The following DAB1 variants were observed in gnomAD, a reference collection of about 807,000 sequenced individuals.
DAB1 encodes DAB adaptor protein 1, also known as disabled homolog 1.
A neutral mutation model predicts 64.6 loss-of-function variants in DAB1; 15 were observed. That is an observed-to-expected ratio of 0.23 (90% confidence interval 0.16 to 0.36). The LOEUF (loss-of-function observed/expected upper bound fraction) is 0.36, where lower values mean the gene tolerates loss of function less well. Ranked by LOEUF, DAB1 falls within the 10% of genes least tolerant of loss-of-function variation. DAB1 has a pLI of 1.00. For missense variants in DAB1, 596 were observed against 706.7 expected (o/e 0.84, Z 1.78); for synonymous variants, 235 against 251.9 (o/e 0.93, Z 0.64).
chr1:57,416,391 T>C (rs1306157127), intron 1 of DAB1, among the ~76,000 whole-genome samples: 3 of 152,210 alleles, frequency 2.0e-5, no homozygotes, highest in Admixed American at 1.3e-4. Flanking sequence ...ATGCATTTCA[T>C]GTCAGGGTAC....
At chr1:57,419,882 T>C (rs1684767922) in intron 1 of DAB1, among the ~76,000 whole-genome samples, 1 of 152,258 alleles carries the variant, frequency 6.6e-6, no homozygotes, top group African/African-American at 2.4e-5. Context: ...CCTTACCACC[T>C]GCTATACCAC....
At chr1:57,638,392 G>T (rs1014723689) in intron 7 of DAB1, among the ~76,000 whole-genome samples, 2 of 152,190 alleles carry the variant, frequency 1.3e-5, no homozygotes, top group Non-Finnish European at 2.9e-5. Flanking sequence ...GGCGAGGAGT[G>T]TCAGATGATA....
chr1:57,750,739 G>A (rs941409994), intron 6 of DAB1, among the ~76,000 whole-genome samples: 6 of 152,028 alleles, frequency 3.9e-5, no homozygotes, highest in South Asian at 2.1e-4. Context: ...TCTGTTTGCC[G>A]GGCTGCAGGC....
chr1:58,374,920 C>G (rs1294205109), intron 3 of DAB1, among the ~76,000 whole-genome samples: 609 of 126,530 alleles, frequency 4.8e-3, no homozygotes, highest in African/African-American at 6.3e-3. Flanking sequence ...GGATTCCTAG[C>G]TATTTTATTC....
At chr1:57,052,686 G>A (rs544441634) in intron 9 of DAB1, among the ~76,000 whole-genome samples, 1 of 152,252 alleles carries the variant, frequency 6.6e-6, no homozygotes, top group East Asian at 1.9e-4. Context: ...CCTATATAAT[G>A]AACATGGTGA....
At chr1:57,596,455 T>A (rs1412244833) in intron 7 of DAB1, among the ~76,000 whole-genome samples, 1 of 152,184 alleles carries the variant, frequency 6.6e-6, no homozygotes, top group Non-Finnish European at 1.5e-5. Flanking sequence ...TATTATTATG[T>A]GTTTAATGGC....
chr1:57,956,420 G>A (rs978253901), intron 5 of DAB1, among the ~76,000 whole-genome samples: 2 of 152,190 alleles, frequency 1.3e-5, no homozygotes, highest in African/African-American at 4.8e-5. Flanking sequence ...AAACCAAGGT[G>A]AGCCCACTGG....
chr1:57,783,998 A>C lies in DAB1; in HGVS notation n.551+100001T>G, dbSNP rs1447060737. ...GCAATGGCCTCTAGGTGTTCAAGTGAAAGGAAGAGTCATATATCTCTCACT... is the reference window on the plus strand; with the variant it reads ...GCAATGGCCTCTAGGTGTTCAAGTGCAAGGAAGAGTCATATATCTCTCACT... On this transcript the variant is annotated intron_variant and non_coding_transcript_variant, in intron 6 of 20. Coordinates refer to the DAB1 transcript ENST00000485760. Among the ~76,000 whole-genome samples the C allele has an allele frequency of 2.0e-5, 3 of 152,328 alleles. No homozygotes were observed. In the East Asian group the frequency reaches 5.8e-4, roughly 29 times the overall value.
rs370051064 is a variant in DAB1 at position 57,934,242 on chromosome 1, G to C, written n.388-50080C>G. Among the ~76,000 whole-genome samples, 208 of 152,146 alleles carry C rather than the reference G, an allele frequency of 1.4e-3. 8 individuals are homozygous for C. The South Asian group carries it at 0.041, about 30-fold the overall frequency. On this transcript the variant is annotated intron_variant and non_coding_transcript_variant, in intron 5 of 20. Transcript: ENST00000485760. ...CCCGGCCCTAGTCTTTTTAATTTTAGCCATTTGGTGGGGAGAGTGTAGTGG... is the reference window on the plus strand; with the variant it reads ...CCCGGCCCTAGTCTTTTTAATTTTACCCATTTGGTGGGGAGAGTGTAGTGG...
chr1:58,446,045 G>A (rs906180187), intron 3 of DAB1, among the ~76,000 whole-genome samples: 13 of 152,100 alleles, frequency 8.5e-5, no homozygotes, highest in Non-Finnish European at 1.2e-4. Flanking sequence ...GGACATCCCC[G>A]GTCCCGGACA....
chr1:58,394,964 C>T (rs1395936992), intron 3 of DAB1, among the ~76,000 whole-genome samples: 1 of 150,446 alleles, frequency 6.6e-6, no homozygotes, highest in African/African-American at 2.5e-5. Context: ...AAGATATATA[C>T]AAGGTATAGA....
At chr1:57,633,092 T>A (rs1399694689) in intron 7 of DAB1, among the ~76,000 whole-genome samples, 1 of 152,224 alleles carries the variant, frequency 6.6e-6, no homozygotes, top group East Asian at 1.9e-4. Flanking sequence ...GGCTCAAAGC[T>A]ATGTACCAAA....
chr1:58,485,216 A>G (rs1006599926), intron 3 of DAB1, among the ~76,000 whole-genome samples: 2 of 141,378 alleles, frequency 1.4e-5, no homozygotes, highest in African/African-American at 5.5e-5. Context: ...TAAAAATAAA[A>G]GAGTCTACTA....
chr1:57,680,181 T>C (rs1404467470), intron 6 of DAB1, among the ~76,000 whole-genome samples: 1 of 152,142 alleles, frequency 6.6e-6, no homozygotes, highest in African/African-American at 2.4e-5. Context: ...TACAGTGAAA[T>C]TAGGATCGAA....
intron 3 of DAB1, among the ~76,000 whole-genome samples, chr1:58,409,320 A>G (rs1212100796): frequency 6.6e-6 from 1 of 152,200 alleles, no homozygotes; most frequent in Non-Finnish European, 1.5e-5. Flanking sequence ...GTGAAGTGAT[A>G]TGCACAAAGT....
chr1:57,808,736 A>C (rs1273151099), intron 6 of DAB1, among the ~76,000 whole-genome samples: 1 of 152,204 alleles, frequency 6.6e-6, no homozygotes, highest in Non-Finnish European at 1.5e-5. Context: ...TGAAAACTTT[A>C]GTTTTCAAAA....
chr1:57,368,858 C>T (rs1478735364), intron 1 of DAB1, among the ~76,000 whole-genome samples: 8 of 152,110 alleles, frequency 5.3e-5, no homozygotes, highest in Non-Finnish European at 1.2e-4. Flanking sequence ...ATACTCCTGC[C>T]CTCCCACTGA....
chr1:57,355,318 A>G (rs1191548643), intron 1 of DAB1, among the ~76,000 whole-genome samples: 2 of 146,750 alleles, frequency 1.4e-5, no homozygotes, highest in Non-Finnish European at 3.0e-5. Flanking sequence ...CTACTTATCT[A>G]TCTTCCTTCC....
chr1:57,000,123 A>G (rs1645798151), intron 14 of DAB1, among the ~76,000 whole-genome samples: 1 of 147,168 alleles, frequency 6.8e-6, no homozygotes, highest in South Asian at 2.2e-4. Context: ...GGCTCACTGC[A>G]AGCTTGGCCT....
Sources: allele counts gnomAD v4.1 joint callset (sites outside exome capture counted in the v4.1 genomes callset), GRCh38; gene constraint gnomAD v4.1.1; transcripts MANE v1.5; gene names NCBI Gene and HGNC (gene_info 2026-07-23, HGNC 2026-07-21).